LRP5: variants seen among roughly 807,000 people sequenced by gnomAD.
LRP5 encodes the protein low-density lipoprotein receptor-related protein 5.
LRP5 carries 62 observed loss-of-function variants against 154.1 expected under a neutral mutation model. The ratio of observed to expected loss-of-function variants is 0.40; its 90% CI spans 0.33 to 0.50. The LOEUF (loss-of-function observed/expected upper bound fraction) is 0.50, where lower values mean the gene tolerates loss of function less well. Ranked by LOEUF, LRP5 falls within the 20% of genes least tolerant of loss-of-function variation. The probability of loss-of-function intolerance (pLI) is 0.55; values close to 1 mark genes in which losing one functional copy is unlikely to be tolerated. For synonymous variants in LRP5, 966 were observed against 1,011.5 expected (o/e 0.96, Z 0.85); for missense variants, 1,915 against 2,336.7 (o/e 0.82, Z 3.72).
the LRP5 span, among the ~76,000 whole-genome samples, chr11:68,301,104 G>C: frequency 6.8e-6 from 1 of 147,238 alleles, no homozygotes; most frequent in Admixed American, 6.8e-5. Context: ...TAATTTTTTT[G>C]TATTTTTGTT....
chr11:68,318,727 C>T (rs1011229810), intron 1 of LRP5, among the ~76,000 whole-genome samples: 8 of 152,100 alleles, frequency 5.3e-5, no homozygotes, highest in African/African-American at 1.7e-4. Context: ...CTCAAGGACC[C>T]CTTCAAGGAT....
intron 1 of LRP5, among the ~76,000 whole-genome samples, chr11:68,326,556 C>G (rs75259971): frequency 0.087 from 13,183 of 152,338 alleles, 652 homozygotes; most frequent in Middle Eastern, 0.17. Flanking sequence ...CTCTGACGAC[C>G]AGGCCCTGTG....
chr11:68,302,879 A>C, the LRP5 span, among the ~76,000 whole-genome samples: 2 of 152,214 alleles, frequency 1.3e-5, no homozygotes, highest in Admixed American at 6.5e-5. Flanking sequence ...GCTTCTGAGC[A>C]ATGTCCAAGG....
chr11:68,414,016 A>C lies in LRP5; in HGVS notation c.2827+4A>C. ...CCCAGCAGCCGCAACTGCAGCCGTA[A>C]GTGCCTCATGGTCCCCCGCACCTCA... On this transcript the variant is annotated splice_donor_region_variant and intron_variant, in intron 12 of 22. Coordinates refer to ENST00000294304, the MANE Select transcript of LRP5 (RefSeq NM_002335.4). The C allele has an allele frequency of 6.2e-7, 1 of 1,603,094 alleles. No homozygotes were observed. Among genetic ancestry groups the C allele is most frequent in the South Asian group, 1.1e-5 (1 of 91,002 alleles).
chr11:68,387,204 T>TCAA (rs1333176094), intron 6 of LRP5, among the ~76,000 whole-genome samples: 2 of 151,630 alleles, frequency 1.3e-5, no homozygotes, highest in African/African-American at 2.4e-5. Flanking sequence ...AACCTCTGCC[T>TCAA]CCTGGGCTCA....
At chr11:68,376,010 G>A (rs1344519534) in intron 5 of LRP5, among the ~76,000 whole-genome samples, 2 of 152,156 alleles carry the variant, frequency 1.3e-5, no homozygotes, top group Non-Finnish European at 2.9e-5. Context: ...TTGTCACATG[G>A]TTCCATTCTA....
At chr11:68,436,153 T>G (rs2098674761) in intron 18 of LRP5, among the ~76,000 whole-genome samples, 2 of 152,228 alleles carry the variant, frequency 1.3e-5, no homozygotes, top group Admixed American at 1.3e-4. Context: ...CGGTTCTGGC[T>G]GCATGCTCTG....
At chr11:68,339,296 A>G (rs2098607493) in intron 1 of LRP5, among the ~76,000 whole-genome samples, 1 of 150,748 alleles carries the variant, frequency 6.6e-6, no homozygotes, top group Admixed American at 6.6e-5. Flanking sequence ...CTGCCTCAGT[A>G]TCCCAAGTAG....
intron 1 of LRP5, among the ~76,000 whole-genome samples, chr11:68,338,901 T>C (rs922207221): frequency 8.0e-5 from 8 of 100,378 alleles, no homozygotes; most frequent in Non-Finnish European, 9.0e-5. Flanking sequence ...TGAGACAGAA[T>C]CTCACTCTGT....
intron 21 of LRP5, 21 bp downstream of exon 21, chr11:68,439,937 G>T: frequency 2.0e-6 from 3 of 1,510,348 alleles, no homozygotes; most frequent in Non-Finnish European, 8.9e-7. Context: ...GGGCCGGGGA[G>T]GGGCGGGGCG....
Position 68,447,820 on chromosome 11 carries a change from A to G in LRP5, c.4587-989A>G, listed in dbSNP as rs1317687011. The stretch of plus-strand genomic sequence containing the variant: ...AAACACACCACAGTTCCGAGTCTGA[A>G]CTCACACAGTGGGATGCGGCGTTTC... On this transcript the variant is annotated intron_variant, in intron 22 of 22. Coordinates refer to ENST00000294304, the MANE Select transcript of LRP5 (RefSeq NM_002335.4). The surrounding 1 kb of genome is among the most constrained non-coding windows in gnomAD (Gnocchi z 4.3). Among the ~76,000 whole-genome samples, 2 of 152,070 alleles carry G rather than the reference A, an allele frequency of 1.3e-5. No individual in the cohort carries two copies. Among genetic ancestry groups the G allele is most frequent in the Non-Finnish European group, 2.9e-5 (2 of 68,012 alleles).
chr11:68,399,073 C>T (rs545027469), intron 7 of LRP5, among the ~76,000 whole-genome samples: 63 of 152,076 alleles, frequency 4.1e-4, no homozygotes, highest in Non-Finnish European at 7.1e-4. Flanking sequence ...GTGCCTCTAG[C>T]GATTTGGGAG....
intron 17 of LRP5, among the ~76,000 whole-genome samples, chr11:68,432,406 C>T (rs2153177780): frequency 6.6e-6 from 1 of 152,306 alleles, no homozygotes; most frequent in Admixed American, 6.5e-5. Flanking sequence ...CCTGGCACGT[C>T]CTCCTGTGGC....
At chr11:68,328,799 C>G (rs1188655952) in intron 1 of LRP5, among the ~76,000 whole-genome samples, 1 of 152,222 alleles carries the variant, frequency 6.6e-6, no homozygotes, top group East Asian at 1.9e-4. Context: ...CGAACTTGCC[C>G]TTTTCCTTTT....
chr11:68,336,427 C>T (rs1591188959), intron 1 of LRP5, among the ~76,000 whole-genome samples: 1 of 152,120 alleles, frequency 6.6e-6, no homozygotes, highest in African/African-American at 2.4e-5. Context: ...CATAATAGCC[C>T]ATAATATTAC....
At chr11:68,446,288 A>C in intron 21 of LRP5, 148 bp from the exon 22 acceptor site, 1 of 686,668 alleles carries the variant, frequency 1.5e-6, no homozygotes, top group South Asian at 1.6e-5. Flanking sequence ...TCCTGTCCCC[A>C]GGTTTTGCCA....
chr11:68,398,767 G>A (rs1343292416), intron 7 of LRP5, among the ~76,000 whole-genome samples: 2 of 151,810 alleles, frequency 1.3e-5, no homozygotes, highest in Non-Finnish European at 1.5e-5. Flanking sequence ...ACAGGGTCTC[G>A]CTCTGTCACC....
intron 13 of LRP5, among the ~76,000 whole-genome samples, chr11:68,418,366 C>T (rs2098663740): frequency 6.6e-6 from 1 of 151,890 alleles, no homozygotes; most frequent in Non-Finnish European, 1.5e-5. Flanking sequence ...CATGTCATTG[C>T]ACTCCAGCCT....
chr11:68,408,956 G>A (rs1476201377), intron 9 of LRP5, among the ~76,000 whole-genome samples: 1 of 149,184 alleles, frequency 6.7e-6, no homozygotes, highest in African/African-American at 2.5e-5. Flanking sequence ...GGCTGAGTTG[G>A]GAGGATTGCT....
Sources: gnomAD v4.1 joint callset for allele counts (sites outside exome capture counted in the v4.1 genomes callset) on GRCh38, gnomAD v4.1.1 for gene constraint, Gnocchi (gnomAD v3.1) non-coding constraint, MANE v1.5 for transcripts, NCBI Gene and HGNC (gene_info 2026-07-23, HGNC 2026-07-21) for gene names.